The following PTGR1 variants were observed in gnomAD, a reference collection of about 807,000 sequenced individuals.
The protein encoded by PTGR1 is 15-oxoprostaglandin 13-reductase.
In PTGR1, 23 loss-of-function variants were observed where a neutral mutation model predicts 37.7. The observed-to-expected ratio is 0.61, with a 90% confidence interval of 0.44 to 0.86. The LOEUF (loss-of-function observed/expected upper bound fraction) is 0.86. PTGR1 is among the 40% of genes least tolerant of loss of function. The pLI, the probability that PTGR1 is intolerant of heterozygous loss-of-function variation, is 0.00. For synonymous variants in PTGR1, 134 were observed against 140.0 expected, an observed-to-expected ratio of 0.96 and a Z score of 0.30; for missense variants, 351 against 394.3, an observed-to-expected ratio of 0.89 and a Z score of 0.93.
chr9:111,584,366 G>A (rs1021403599), intron 5 of PTGR1, among the ~76,000 whole-genome samples: 5 of 152,224 alleles, frequency 3.3e-5, no homozygotes, highest in Non-Finnish European at 5.9e-5. Context: ...GCTCTCATCC[G>A]TAGAGGGTAC....
Position 111,574,822 on chromosome 9 carries a change from G to A in PTGR1, c.672C>T (p.Asn224=). 2 of 1,613,568 alleles carry A rather than the reference G, an allele frequency of 1.2e-6. No homozygotes were observed. Among genetic ancestry groups the A allele is most frequent in the Non-Finnish European group, 1.7e-6 (2 of 1,179,672 alleles). ...YFDNVGGEFS[N]TVIGQMKKFG... ...ATTTCTTCATCTGGCCGATAACAGT[G>A]TTTGAAAACTCTCCACCTACCTAAA... is the stretch of plus-strand genomic sequence containing the variant. The change falls in exon 8 of 10, where the codon AAC becomes AAT. Residue 224 remains asparagine, a synonymous_variant. Transcript: ENST00000407693.
At chr9:111,589,521 T>C (rs971276036) in intron 4 of PTGR1, 1 of 225,758 alleles carries the variant, frequency 4.4e-6, no homozygotes, top group African/African-American at 2.3e-5. Flanking sequence ...CCTCCCAAAG[T>C]GTTAGGATTA....
At chr9:111,573,414 C>A (rs531664551) in intron 8 of PTGR1, among the ~76,000 whole-genome samples, 6 of 152,188 alleles carry the variant, frequency 3.9e-5, no homozygotes, top group African/African-American at 1.4e-4. Context: ...TTCTAGCCCC[C>A]CCATCTCCAT....
exon 10 of PTGR1, chr9:111,549,746 T>G (rs1398052023): frequency 6.4e-7 from 1 of 1,550,842 alleles, no homozygotes; most frequent in Non-Finnish European, 8.7e-7. Flanking sequence ...ATGATACATA[T>G]TCCCTTCATT....
intron 9 of PTGR1, among the ~76,000 whole-genome samples, chr9:111,554,067 A>G (rs765375015): frequency 6.6e-6 from 1 of 152,162 alleles, no homozygotes; most frequent in Non-Finnish European, 1.5e-5. Flanking sequence ...CTCGGTGCCA[A>G]GGTTTCCCAT....
intron 4 of PTGR1, among the ~76,000 whole-genome samples, chr9:111,590,152 C>T (rs1374163492): frequency 6.6e-6 from 1 of 151,812 alleles, no homozygotes; most frequent in Non-Finnish European, 1.5e-5. Flanking sequence ...ATGATAAGAC[C>T]TAAAGGAAAA....
At chr9:111,566,852 TAA>T (rs964945974) in intron 9 of PTGR1, among the ~76,000 whole-genome samples, 4 of 152,036 alleles carry the variant, frequency 2.6e-5, no homozygotes, top group African/African-American at 9.7e-5. Context: ...TATATTATGT[TAA>T]AAGATGATTA....
rs1035027438 is a variant in PTGR1, at chr9:111,596,058, A to C, written c.106+1259T>G. On this transcript the variant is annotated intron_variant, in intron 2 of 9. Transcript: ENST00000407693. The stretch of plus-strand genomic sequence containing the variant: ...TAGTCTGGTCAAAGCCATGAAGAGT[A>C]ATGCACTCAAGCATGAATTTCAGTT... Among the ~76,000 whole-genome samples the C allele has an allele frequency of 1.1e-4, 16 of 152,226 alleles. 1 individual carries two copies. The highest frequency in any genetic ancestry group is 9.8e-4 in the Admixed American group (15 of 15,286).
chr9:111,595,849 G>A (rs1247841032), intron 2 of PTGR1, among the ~76,000 whole-genome samples: 3 of 151,872 alleles, frequency 2.0e-5, no homozygotes, highest in African/African-American at 4.8e-5. Context: ...TAGCCAGGAT[G>A]GTCTCGATCT....
At chr9:111,576,691 C>T (rs1299656177) in intron 7 of PTGR1, 1 of 320,494 alleles carries the variant, frequency 3.1e-6, no homozygotes, top group Admixed American at 4.7e-5. Context: ...TACATATTTC[C>T]CCTAGAAGCA....
At chr9:111,565,618 G>A (rs1828525944) in intron 9 of PTGR1, among the ~76,000 whole-genome samples, 1 of 152,068 alleles carries the variant, frequency 6.6e-6, no homozygotes, top group Admixed American at 6.5e-5. Flanking sequence ...TGAACTCTTG[G>A]ACTCAGGTGA....
downstream of PTGR1, among the ~76,000 whole-genome samples, chr9:111,558,269 T>C (rs919105110): frequency 1.3e-5 from 2 of 152,242 alleles, no homozygotes; most frequent in African/African-American, 4.8e-5. Context: ...GTAATTATCA[T>C]TATCTACATG....
chr9:111,581,508 A>G (rs1829278990), intron 6 of PTGR1, among the ~76,000 whole-genome samples: 1 of 152,218 alleles, frequency 6.6e-6, no homozygotes, highest in South Asian at 2.1e-4. Context: ...CACCTCAAAG[A>G]AAAGTCTAAT....
At chr9:111,586,829 T>A (rs891084035) in intron 4 of PTGR1, among the ~76,000 whole-genome samples, 6 of 151,242 alleles carry the variant, frequency 4.0e-5, no homozygotes, top group East Asian at 3.9e-4. Context: ...ATGCATACTT[T>A]TTTTTTTTAA....
intron 3 of PTGR1, among the ~76,000 whole-genome samples, chr9:111,593,353 G>A (rs990537161): frequency 1.3e-5 from 2 of 152,100 alleles, no homozygotes; most frequent in African/African-American, 4.8e-5. Flanking sequence ...GCAAAAAGAT[G>A]CCAATTAACA....
At chr9:111,594,611 C>T (rs551731267) in intron 2 of PTGR1, among the ~76,000 whole-genome samples, 6 of 134,940 alleles carry the variant, frequency 4.4e-5, no homozygotes, top group South Asian at 2.3e-4. Context: ...AGTGCAGTGG[C>T]GTGATCTTGG....
chr9:111,564,164 A>T (rs935119593), intron 9 of PTGR1: 1 of 913,130 alleles, frequency 1.1e-6, no homozygotes, highest in Non-Finnish European at 1.4e-6. Context: ...TACCTGATAC[A>T]AGTTTTTCGC....
At chr9:111,587,407 C>T (rs1270355609) in intron 4 of PTGR1, among the ~76,000 whole-genome samples, 2 of 152,080 alleles carry the variant, frequency 1.3e-5, no homozygotes, top group Non-Finnish European at 2.9e-5. Context: ...GGTGTATTTT[C>T]TGTCAATCTT....
Position 111,597,572 on chromosome 9 carries a change from T to C in PTGR1, c.-10-140A>G, listed in dbSNP as rs1829821046. The C allele has an allele frequency of 1.5e-5, 9 of 603,392 alleles. No individual in the cohort carries two copies. In the South Asian group the frequency reaches 1.9e-4, roughly 13 times the overall value. 37.4% of individuals were successfully genotyped at this position (603,392 alleles called of 1,614,324 possible). A position where few individuals can be genotyped will look rare whatever the true frequency, so the allele number is the denominator to read the frequency against. The stretch of plus-strand genomic sequence containing the variant: ...TATCATATCATGCCAACCACATTCA[T>C]TTAACATTTACTATGTTTCTGGTGC... On this transcript the variant is annotated intron_variant, in intron 1 of 9. Transcript: ENST00000407693.
Sources: gnomAD v4.1 joint callset for allele counts (sites outside exome capture counted in the v4.1 genomes callset) on GRCh38, gnomAD v4.1.1 for gene constraint, MANE v1.5 for transcripts, NCBI Gene and HGNC (gene_info 2026-07-23, HGNC 2026-07-21) for gene names.